The following RFX4 variants were observed in gnomAD, a reference collection of about 807,000 sequenced individuals.
RFX4 encodes the protein transcription factor RFX4.
In RFX4, 10 loss-of-function variants were observed where a neutral mutation model predicts 95.0. That is an observed-to-expected ratio of 0.11 (90% CI 0.06 to 0.18). The LOEUF is 0.18. RFX4 is among the 10% of genes least tolerant of loss of function. The probability of loss-of-function intolerance (pLI) is 1.00; values close to 1 mark genes in which losing one functional copy is unlikely to be tolerated. For missense variants in RFX4, 640 were observed against 922.0 expected (o/e 0.69, Z 3.96); for synonymous variants, 321 against 340.7 (o/e 0.94, Z 0.64).
intron 2 of RFX4, among the ~76,000 whole-genome samples, chr12:106,609,625 C>A (rs1257679626): frequency 6.6e-6 from 1 of 152,216 alleles, no homozygotes; most frequent in South Asian, 2.1e-4. Flanking sequence ...TACTCAATAG[C>A]CCCCTCCTGA....
chr12:106,669,010 C>A (rs2041231046), intron 4 of RFX4, among the ~76,000 whole-genome samples: 1 of 152,322 alleles, frequency 6.6e-6, no homozygotes, highest in Admixed American at 6.5e-5. Flanking sequence ...TTAAATTCCT[C>A]AATCCCACTT....
chr12:106,643,337 T>C (rs891382303), intron 3 of RFX4, among the ~76,000 whole-genome samples: 3 of 151,900 alleles, frequency 2.0e-5, no homozygotes, highest in African/African-American at 7.3e-5. Context: ...GCCCATGTGG[T>C]TGGAGCATAG....
chr12:106,758,789 T>C (rs1201617016), intron 17 of RFX4, among the ~76,000 whole-genome samples: 1 of 152,194 alleles, frequency 6.6e-6, no homozygotes, highest in Non-Finnish European at 1.5e-5. Flanking sequence ...GTCATATCAA[T>C]GTGAGGAAAG....
At chr12:106,737,158 TA>T (rs2042723157) in intron 15 of RFX4, among the ~76,000 whole-genome samples, 1 of 118,038 alleles carries the variant, frequency 8.5e-6, no homozygotes, top group Admixed American at 1.1e-4. Flanking sequence ...GACTCGGAAC[TA>T]AAGTTTTTTT....
chr12:106,705,301 T>C (rs1565987436), intron 8 of RFX4, among the ~76,000 whole-genome samples: 1 of 152,196 alleles, frequency 6.6e-6, no homozygotes, highest in Admixed American at 6.5e-5. Flanking sequence ...TTCAGGGAGC[T>C]ACGAGTGTGG....
intron 2 of RFX4, 138 bp downstream of exon 2, chr12:106,609,021 AGG>A: frequency 1.5e-6 from 1 of 688,592 alleles, no homozygotes; most frequent in Non-Finnish European, 2.4e-6. Context: ...GAAATATCCC[AGG>A]TCCTCTCTGT....
chr12:106,645,069 T>A (rs766680417), intron 3 of RFX4, among the ~76,000 whole-genome samples: 2 of 150,862 alleles, frequency 1.3e-5, no homozygotes, highest in Non-Finnish European at 2.9e-5. Context: ...AACACCGCTC[T>A]AAGAACAAAT....
intron 1 of RFX4, 65 bp from the exon 2 acceptor site, chr12:106,608,732 C>T: frequency 2.1e-6 from 3 of 1,428,408 alleles, no homozygotes; most frequent in East Asian, 2.4e-5. Flanking sequence ...CAAACACCCA[C>T]AGCAATTCTG....
chr12:106,645,499 G>C (rs1458489254), intron 3 of RFX4, among the ~76,000 whole-genome samples: 1 of 152,016 alleles, frequency 6.6e-6, no homozygotes, highest in East Asian at 1.9e-4. Context: ...TCACTTTCGG[G>C]GGGGATTGGG....
intron 3 of RFX4, among the ~76,000 whole-genome samples, chr12:106,646,354 A>G (rs1272163090): frequency 1.4e-5 from 2 of 146,206 alleles, no homozygotes; most frequent in Non-Finnish European, 3.0e-5. Flanking sequence ...GCAAACCTGT[A>G]GCCTAGGCCC....
At chr12:106,752,352 C>T (rs1036135899) in intron 17 of RFX4, among the ~76,000 whole-genome samples, 2 of 152,144 alleles carry the variant, frequency 1.3e-5, no homozygotes, top group African/African-American at 4.8e-5. Context: ...ACAGTCTTTT[C>T]ATCAGTGTCA....
At chr12:106,600,932 C>G (rs1415147248) in intron 1 of RFX4, among the ~76,000 whole-genome samples, 2 of 152,216 alleles carry the variant, frequency 1.3e-5, no homozygotes, top group Admixed American at 1.3e-4. Context: ...CTGCTGTCTT[C>G]TTGCTAATTT....
At chr12:106,619,895 T>C (rs1220298081) in intron 2 of RFX4, among the ~76,000 whole-genome samples, 1 of 152,180 alleles carries the variant, frequency 6.6e-6, no homozygotes, top group Non-Finnish European at 1.5e-5. Flanking sequence ...ATTTCAGATA[T>C]TGTATTCTTC....
chr12:106,649,311 C>A (rs1042551994), intron 3 of RFX4, among the ~76,000 whole-genome samples: 5 of 152,200 alleles, frequency 3.3e-5, no homozygotes, highest in African/African-American at 9.7e-5. Flanking sequence ...GCAAAGGTGT[C>A]ATGATGCTAT....
chr12:106,703,618 C>G (rs1414316424), intron 8 of RFX4, among the ~76,000 whole-genome samples: 2 of 152,202 alleles, frequency 1.3e-5, no homozygotes, highest in Admixed American at 6.5e-5. Context: ...GATTCACATA[C>G]TTTTAATAAT....
chr12:106,637,486 TA>T (rs1259894258), intron 2 of RFX4, among the ~76,000 whole-genome samples: 3 of 152,244 alleles, frequency 2.0e-5, no homozygotes, highest in African/African-American at 7.2e-5. Flanking sequence ...CTTTTCCATA[TA>T]AATTTTATGC....
At chr12:106,753,094 C>T (rs563415788) in intron 17 of RFX4, among the ~76,000 whole-genome samples, 43 of 152,238 alleles carry the variant, frequency 2.8e-4, no homozygotes, top group South Asian at 1.7e-3. Context: ...CCCAACTGAC[C>T]GTGACACTTT....
intron 4 of RFX4, among the ~76,000 whole-genome samples, chr12:106,662,985 T>C (rs1344298010): frequency 6.6e-6 from 1 of 152,106 alleles, no homozygotes; most frequent in African/African-American, 2.4e-5. Flanking sequence ...ATCTTGAATA[T>C]GGGTGGAATC....
chr12:106,750,602 C>T (rs935287878), intron 16 of RFX4, 53 bp from the exon 17 acceptor site: 1 of 1,364,380 alleles, frequency 7.3e-7, no homozygotes, highest in African/African-American at 1.5e-5. Context: ...AGGTGTCAAA[C>T]TGATCTGTTC....
Sources: gnomAD v4.1 joint callset for allele counts (sites outside exome capture counted in the v4.1 genomes callset) on GRCh38, gnomAD v4.1.1 for gene constraint, MANE v1.5 for transcripts, NCBI Gene and HGNC (gene_info 2026-07-23, HGNC 2026-07-21) for gene names.